The following LMX1A variants were observed in gnomAD, a reference collection of about 807,000 sequenced individuals.
LMX1A encodes LIM homeobox transcription factor 1-alpha.
A neutral mutation model predicts 49.1 loss-of-function variants in LMX1A; 15 were observed. The observed-to-expected ratio is 0.31, with a 90% CI of 0.20 to 0.47. LMX1A has a LOEUF of 0.47. Ranked by LOEUF, LMX1A falls within the 20% of genes least tolerant of loss-of-function variation. The pLI, the probability that LMX1A is intolerant of heterozygous loss-of-function variation, is 1.00. For missense variants in LMX1A, 372 were observed against 475.8 expected, an observed-to-expected ratio of 0.78 and a Z score of 2.03; for synonymous variants, 167 against 185.7, an observed-to-expected ratio of 0.90 and a Z score of 0.82.
chr1:165,212,217 G>A (rs944009901), intron 5 of LMX1A, among the ~76,000 whole-genome samples: 2 of 152,226 alleles, frequency 1.3e-5, no homozygotes, highest in African/African-American at 4.8e-5. Flanking sequence ...TGGTGGGTGT[G>A]TGCTTCACCA....
chr1:165,241,256 A>G (rs928408989), intron 4 of LMX1A, among the ~76,000 whole-genome samples: 1 of 152,240 alleles, frequency 6.6e-6, no homozygotes, highest in Non-Finnish European at 1.5e-5. Flanking sequence ...ATAAGTGCCT[A>G]AAACCAAAGA....
chr1:165,345,212 G>A (rs1656200597), intron 3 of LMX1A, among the ~76,000 whole-genome samples: 1 of 152,158 alleles, frequency 6.6e-6, no homozygotes, highest in African/African-American at 2.4e-5. Context: ...AAAGATTCCT[G>A]AGGCTTGATA....
intron 3 of LMX1A, among the ~76,000 whole-genome samples, chr1:165,302,459 A>T (rs1479728436): frequency 2.0e-5 from 3 of 152,082 alleles, no homozygotes; most frequent in African/African-American, 7.2e-5. Flanking sequence ...ATAAAATAAA[A>T]TAAAGGAAAA....
chr1:165,307,088 A>C (rs545176702), intron 3 of LMX1A, among the ~76,000 whole-genome samples: 1 of 152,346 alleles, frequency 6.6e-6, no homozygotes, highest in East Asian at 1.9e-4. Flanking sequence ...AAAGCAGGCC[A>C]AACTTCCCTT....
At chr1:165,234,288 C>T (rs1202927391) in intron 4 of LMX1A, among the ~76,000 whole-genome samples, 6 of 152,090 alleles carry the variant, frequency 3.9e-5, no homozygotes, top group Admixed American at 1.3e-4. Context: ...ATTTCATCGC[C>T]GGCAAGTTAC....
chr1:165,253,186 C>T (rs1326042789), intron 3 of LMX1A, among the ~76,000 whole-genome samples: 1 of 152,086 alleles, frequency 6.6e-6, no homozygotes, highest in Non-Finnish European at 1.5e-5. Context: ...AGTAAACAAA[C>T]ACATAAACGA....
intron 3 of LMX1A, among the ~76,000 whole-genome samples, chr1:165,280,041 G>A (rs1262685040): frequency 6.6e-6 from 1 of 152,038 alleles, no homozygotes; most frequent in Non-Finnish European, 1.5e-5. Context: ...CTCCAGAAAG[G>A]GGAAGAATTA....
rs536377945 is a variant in LMX1A, at chr1:165,230,806, T to C, written c.497-16993A>G. On this transcript the variant is annotated intron_variant, in intron 4 of 8. Coordinates refer to ENST00000342310, the MANE Select transcript of LMX1A (RefSeq NM_177398.4). ...AGCCCCCAAATCTAGGATTCAAGTC[T>C]CTTGGCTCAGGTCCAGTGCTCCTTC... is the stretch of plus-strand genomic sequence containing the variant. 7.9e-5 allele frequency among the ~76,000 whole-genome samples: 12 copies of C among 152,198 alleles called. No individual in the cohort carries two copies. The South Asian group carries it at 1.7e-3, about 21-fold the overall frequency.
intron 3 of LMX1A, among the ~76,000 whole-genome samples, chr1:165,349,908 G>C (rs1442684684): frequency 6.6e-6 from 1 of 152,078 alleles, no homozygotes; most frequent in Non-Finnish European, 1.5e-5. Flanking sequence ...CATACAGATG[G>C]CTAAGATAAA....
At chr1:165,273,828 A>T (rs2101698289) in intron 3 of LMX1A, among the ~76,000 whole-genome samples, 1 of 152,334 alleles carries the variant, frequency 6.6e-6, no homozygotes, top group Admixed American at 6.5e-5. Flanking sequence ...GTGCAAGAGG[A>T]CATTTAATGA....
rs111962996 is a variant in LMX1A at position 165,227,553 on chromosome 1, G to GTACATACATACATACATACA, written c.497-13760_497-13741dup. ...GAGACCCTATCTCAATAATACATAC[G>GTACATACATACATACATACA]TACATACATACATACATACATACAA... On this transcript the variant is annotated intron_variant, in intron 4 of 8. Transcript: ENST00000342310. Among the ~76,000 whole-genome samples the GTACATACATACATACATACA allele has an allele frequency of 5.7e-3, 864 of 150,788 alleles. 6 individuals carry two copies. The highest frequency in any genetic ancestry group is 6.4e-3 in the Non-Finnish European group (436 of 67,760).
At chr1:165,346,735 C>T (rs1656257988) in intron 3 of LMX1A, among the ~76,000 whole-genome samples, 1 of 152,192 alleles carries the variant, frequency 6.6e-6, no homozygotes, top group Non-Finnish European at 1.5e-5. Flanking sequence ...CCAAAAGAAA[C>T]TTAATCCCTA....
At position 165,355,768 on chromosome 1, in the gene LMX1A, G is replaced by A. The variant is rs985941798; in HGVS notation, c.-22-187C>T. 1.7e-6 allele frequency: 1 copy of A among 589,456 alleles called. No homozygotes were observed. 36.5% of individuals were successfully genotyped at this position (589,456 alleles called of 1,614,324 possible). On this transcript the variant is annotated intron_variant, in intron 1 of 8. Coordinates refer to ENST00000342310, the MANE Select transcript of LMX1A (RefSeq NM_177398.4). This position sits in a 1 kb window ranked among gnomAD's most constrained non-coding sequence, Gnocchi z 4.7. ...TCAGTCACAGCGAACTGCTCTGGCT[G>A]ATCTGATTTCACTTGAAGTCAACAC... is the stretch of plus-strand genomic sequence containing the variant.
intron 4 of LMX1A, among the ~76,000 whole-genome samples, chr1:165,240,522 T>C (rs895529696): frequency 3.9e-5 from 6 of 152,226 alleles, no homozygotes; most frequent in Admixed American, 2.0e-4. Context: ...CCTCTGCCTT[T>C]CTTTTTCTGC....
chr1:165,356,149 G>T (rs992780521), intron 1 of LMX1A: 1 of 152,562 alleles, frequency 6.6e-6, no homozygotes, highest in Middle Eastern at 3.4e-3. Flanking sequence ...GCTGCGCTCT[G>T]TTGGGGTGCG....
intron 4 of LMX1A, among the ~76,000 whole-genome samples, chr1:165,215,404 G>T (rs964739053): frequency 2.0e-5 from 3 of 152,198 alleles, no homozygotes; most frequent in Non-Finnish European, 4.4e-5. Flanking sequence ...TTCTCACAGA[G>T]CTCAACTGCC....
chr1:165,278,963 G>C (rs1833029), intron 3 of LMX1A, among the ~76,000 whole-genome samples: 7,620 of 152,284 alleles, frequency 0.05, 296 homozygotes, highest in East Asian at 0.11. Context: ...CCTCAGCCCA[G>C]GAGGGCACCA....
At chr1:165,263,680 C>T (rs1362645755) in intron 3 of LMX1A, among the ~76,000 whole-genome samples, 1 of 152,202 alleles carries the variant, frequency 6.6e-6, no homozygotes, top group South Asian at 2.1e-4. Context: ...CTACCTAAAT[C>T]AGATCATGCC....
In LMX1A at chr1:165,296,299, C is replaced by T. The variant is rs75683111; in HGVS notation, c.264-46659G>A. 1.8e-3 allele frequency among the ~76,000 whole-genome samples: 274 copies of T among 152,304 alleles called. 2 individuals are homozygous for T. The highest frequency in any genetic ancestry group is 6.2e-3 in the African/African-American group (258 of 41,558). On this transcript the variant is annotated intron_variant, in intron 3 of 8. Transcript: ENST00000342310. Reference sequence around the variant, plus strand: ...GAGAAATTAATCCATTGAGGAAAAGCGAGAAGGGTGTTACAACCAGGGGAA... The same window carrying T: ...GAGAAATTAATCCATTGAGGAAAAGTGAGAAGGGTGTTACAACCAGGGGAA...
Sources: allele counts gnomAD v4.1 joint callset (sites outside exome capture counted in the v4.1 genomes callset), GRCh38; gene constraint gnomAD v4.1.1; non-coding constraint Gnocchi (gnomAD v3.1); transcripts MANE v1.5; gene names NCBI Gene and HGNC (gene_info 2026-07-23, HGNC 2026-07-21).